The following ADAM2 variants were observed in gnomAD, a reference collection of about 807,000 sequenced individuals.
ADAM2 encodes ADAM metallopeptidase domain 2, also known as disintegrin and metalloproteinase domain-containing protein 2.
ADAM2 carries 101 observed loss-of-function variants against 99.3 expected under a neutral mutation model. The ratio of observed to expected loss-of-function variants is 1.02; its 90% confidence interval spans 0.87 to 1.20. ADAM2 has a LOEUF of 1.20. ADAM2 is among the 50% of genes most tolerant of loss of function. ADAM2 has a pLI of 0.00. For missense variants in ADAM2, 948 were observed against 878.7 expected (o/e 1.08, Z -1.00); for synonymous variants, 323 against 287.6 (o/e 1.12, Z -1.25).
At chr8:39,794,840 G>T (rs1014392210) in intron 7 of ADAM2, among the ~76,000 whole-genome samples, 2 of 152,004 alleles carry the variant, frequency 1.3e-5, no homozygotes, top group East Asian at 3.9e-4. Flanking sequence ...TGAATAAACC[G>T]CTTCCTTCTT....
At chr8:39,807,246 C>T (rs1804479101) in intron 7 of ADAM2, among the ~76,000 whole-genome samples, 1 of 152,172 alleles carries the variant, frequency 6.6e-6, no homozygotes, top group Admixed American at 6.5e-5. Context: ...CCTATTTTTC[C>T]CTGTGGAACA....
chr8:39,787,668 T>G (rs1347998481), intron 9 of ADAM2, among the ~76,000 whole-genome samples: 1 of 151,478 alleles, frequency 6.6e-6, no homozygotes, highest in Non-Finnish European at 1.5e-5. Context: ...TTAAGCACAA[T>G]GCAGATATAT....
chr8:39,776,635 C>A (rs1350180733), intron 11 of ADAM2, among the ~76,000 whole-genome samples: 2 of 152,106 alleles, frequency 1.3e-5, no homozygotes, highest in Non-Finnish European at 2.9e-5. Context: ...GGCAGCATCT[C>A]TGAAATCAAC....
Position 39,820,916 on chromosome 8 carries a change from T to A in ADAM2, c.513+86A>T, listed in dbSNP as rs1336097690. On this transcript the variant is annotated intron_variant, in intron 6 of 20. Coordinates refer to ENST00000265708, the MANE Select transcript of ADAM2 (RefSeq NM_001464.5). ...ATATGTTTTGGTGTTTATGGGTGTG[T>A]AAATATGTAATTTATCAACTATAAA... is the stretch of plus-strand genomic sequence containing the variant. The A allele has an allele frequency of 6.9e-6, 6 of 867,156 alleles. No homozygotes were observed. The East Asian group carries it at 7.8e-5, about 11-fold the overall frequency. 53.7% of individuals were successfully genotyped at this position (867,156 alleles called of 1,614,324 possible).
At chr8:39,815,002 C>G (rs964245514) in intron 6 of ADAM2, among the ~76,000 whole-genome samples, 2 of 151,840 alleles carry the variant, frequency 1.3e-5, no homozygotes, top group African/African-American at 4.8e-5. Flanking sequence ...AATAAGATGA[C>G]TAGAAAGTTC....
chr8:39,801,012 G>A (rs1240965230), intron 7 of ADAM2, among the ~76,000 whole-genome samples: 3 of 152,082 alleles, frequency 2.0e-5, no homozygotes, highest in Non-Finnish European at 4.4e-5. Flanking sequence ...ACCATCTTCT[G>A]TCAATTACTC....
At position 39,755,883 on chromosome 8, in the gene ADAM2, T is replaced by C; in HGVS notation, c.1642A>G (p.Lys548Glu). 1 of 1,568,192 alleles carries C rather than the reference T, an allele frequency of 6.4e-7. No homozygotes were observed. Among genetic ancestry groups the C allele is most frequent in the Non-Finnish European group, 8.8e-7 (1 of 1,142,792 alleles). Residue 548 changes from lysine (K) to glutamate (E), a missense_variant, in exon 16 of 21, where the codon AAA becomes GAA. Coordinates refer to ENST00000265708, the MANE Select transcript of ADAM2 (RefSeq NM_001464.5). ...DNLQCGKLICKYVGKFLLQIP... is the reference protein window; with the variant it reads ...DNLQCGKLICEYVGKFLLQIP... ...TGTAATAAAAATTTACCTACATATT[T>C]ACATATTAATTTTCCGCACTGCAGA...
At chr8:39,835,259 C>A (rs1008283597) in intron 2 of ADAM2, among the ~76,000 whole-genome samples, 1 of 152,180 alleles carries the variant, frequency 6.6e-6, no homozygotes, top group African/African-American at 2.4e-5. Context: ...TAATTCTGTC[C>A]TTTTCTCTTA....
chr8:39,744,207 C>T (rs1223641166), intron 20 of ADAM2, 143 bp from the exon 21 acceptor site: 2 of 151,776 alleles, frequency 1.3e-5, no homozygotes, highest in Non-Finnish European at 2.9e-5. Flanking sequence ...TATACAAATG[C>T]TAAAGAAGTA....
intron 16 of ADAM2, 41 bp from the exon 17 acceptor site, chr8:39,749,785 C>G (rs368184018): frequency 6.7e-7 from 1 of 1,500,408 alleles, no homozygotes; most frequent in Non-Finnish European, 9.2e-7. Context: ...GACATGCCAT[C>G]TAGAGTTGCC....
At chr8:39,749,635 T>C in intron 17 of ADAM2, 32 bp downstream of exon 17, 1 of 1,574,946 alleles carries the variant, frequency 6.3e-7, no homozygotes, top group Non-Finnish European at 8.7e-7. Flanking sequence ...GCTCAATGAT[T>C]TCTATTTTCA....
At chr8:39,746,708 C>T in intron 18 of ADAM2, 77 bp from the exon 19 acceptor site, 1 of 1,118,788 alleles carries the variant, frequency 8.9e-7, no homozygotes, top group Non-Finnish European at 1.3e-6. Context: ...TTTACTACGT[C>T]TACCAAAATA....
At chr8:39,819,019 AAAAT>A (rs1297606915) in intron 6 of ADAM2, among the ~76,000 whole-genome samples, 2 of 152,074 alleles carry the variant, frequency 1.3e-5, no homozygotes, top group Non-Finnish European at 2.9e-5. Context: ...TTGGAAATTA[AAAAT>A]AAATAAATTT....
At chr8:39,812,981 C>T (rs6474178) in intron 6 of ADAM2, among the ~76,000 whole-genome samples, 59,865 of 151,964 alleles carry the variant, frequency 0.39, 12,091 homozygotes, top group South Asian at 0.6. Flanking sequence ...AGTGAAGAGG[C>T]AACCTATAGA....
At chr8:39,838,063 A>T (rs1170903193) in intron 1 of ADAM2, 68 bp downstream of exon 1, 2 of 1,533,318 alleles carry the variant, frequency 1.3e-6, no homozygotes, top group Non-Finnish European at 1.8e-6. Context: ...ATGTCAATGT[A>T]ACTTGGAGGC....
chr8:39,819,486 C>G (rs929538424), intron 6 of ADAM2, among the ~76,000 whole-genome samples: 1 of 151,878 alleles, frequency 6.6e-6, no homozygotes, highest in African/African-American at 2.4e-5. Context: ...GCCACTGTGC[C>G]CAGATATTAG....
chr8:39,785,341 G>A lies in ADAM2; in HGVS notation c.891+1633C>T, dbSNP rs957961057. Among the ~76,000 whole-genome samples the A allele has an allele frequency of 1.2e-4, 18 of 152,182 alleles. No individual in the cohort carries two copies. The East Asian group carries it at 2.9e-3, about 25-fold the overall frequency. On this transcript the variant is annotated intron_variant, in intron 10 of 20. Transcript: ENST00000265708. ...AACACCATCTCACACCAGTCAGAACGGCTCTTATTACAAAATAAAAAACAA... is the reference window on the plus strand; with the variant it reads ...AACACCATCTCACACCAGTCAGAACAGCTCTTATTACAAAATAAAAAACAA...
chr8:39,768,881 G>C (rs557906037), intron 12 of ADAM2, among the ~76,000 whole-genome samples: 30 of 152,202 alleles, frequency 2.0e-4, no homozygotes, highest in African/African-American at 5.5e-4. Context: ...AGATGAATAC[G>C]TTCTAGAGAT....
At chr8:39,825,878 T>C (rs1586160163) in intron 3 of ADAM2, among the ~76,000 whole-genome samples, 1 of 152,170 alleles carries the variant, frequency 6.6e-6, no homozygotes, top group Non-Finnish European at 1.5e-5. Flanking sequence ...TTAAGTTGTT[T>C]CATATGAATT....
Sources: gnomAD v4.1 joint callset for allele counts (sites outside exome capture counted in the v4.1 genomes callset) on GRCh38, gnomAD v4.1.1 for gene constraint, MANE v1.5 for transcripts, NCBI Gene and HGNC (gene_info 2026-07-23, HGNC 2026-07-21) for gene names.